Variants in ZNF385D observed in about 807,000 individuals in gnomAD.
ZNF385D encodes zinc finger protein 385D.
ZNF385D carries 15 observed loss-of-function variants against 35.8 expected under a neutral mutation model. The ratio of observed to expected loss-of-function variants is 0.42; its 90% CI spans 0.28 to 0.64. ZNF385D has a LOEUF of 0.64. ZNF385D is among the 30% of genes least tolerant of loss of function. The pLI is 0.23. For synonymous variants in ZNF385D, 212 were observed against 186.8 expected, an observed-to-expected ratio of 1.13 and a Z score of -1.10; for missense variants, 474 against 494.6, an observed-to-expected ratio of 0.96 and a Z score of 0.39.
chr3:21,770,657 C>T lies in ZNF385D; in HGVS notation c.326-105629G>A, dbSNP rs181733043. Reference sequence around the variant, plus strand: ...CTGTTGGTGGGACTGTAAACTAGTTCGACCATTGCGGAAGACAGTGTGGTT... The same window carrying T: ...CTGTTGGTGGGACTGTAAACTAGTTTGACCATTGCGGAAGACAGTGTGGTT... On this transcript the variant is annotated intron_variant, in intron 3 of 5. Coordinates refer to the ZNF385D transcript ENST00000494108. 2.8e-3 allele frequency among the ~76,000 whole-genome samples: 423 copies of T among 152,244 alleles called. 1 individual carries two copies. The highest frequency in any genetic ancestry group is 9.6e-3 in the African/African-American group (397 of 41,544).
intron 2 of ZNF385D, among the ~76,000 whole-genome samples, chr3:22,206,081 G>A (rs779358781): frequency 6.6e-6 from 1 of 151,740 alleles, no homozygotes; most frequent in Non-Finnish European, 1.5e-5. Flanking sequence ...TAAAAGGATG[G>A]AAAAAGATAT....
chr3:21,461,043 T>C (rs1352117225), intron 4 of ZNF385D, among the ~76,000 whole-genome samples: 1 of 152,192 alleles, frequency 6.6e-6, no homozygotes, highest in Non-Finnish European at 1.5e-5. Context: ...TTGAGAGACT[T>C]GAATTAATTC....
intron 5 of ZNF385D, among the ~76,000 whole-genome samples, chr3:21,435,340 C>T (rs887007717): frequency 5.4e-5 from 8 of 148,064 alleles, no homozygotes; most frequent in Non-Finnish European, 1.2e-4. Context: ...TCATTGTAGC[C>T]TCAACCTCCT....
intron 3 of ZNF385D, among the ~76,000 whole-genome samples, chr3:21,944,976 C>G (rs1613403): frequency 0.87 from 131,518 of 152,040 alleles, 57,096 homozygotes; most frequent in East Asian, 0.98. Flanking sequence ...TTACAAATTC[C>G]CTATCAATAT....
chr3:22,015,775 C>G lies in ZNF385D; in HGVS notation c.325+153042G>C, dbSNP rs1312549856. ...CTTCTAATTGCTCTCCATCTCCTGG[C>G]TTTCCTAGGAAGACTGGCTTGGATT... On this transcript the variant is annotated intron_variant, in intron 3 of 5. Transcript: ENST00000494108. Among the ~76,000 whole-genome samples the G allele has an allele frequency of 2.6e-5, 4 of 152,220 alleles. No individual in the cohort carries two copies. The East Asian group carries it at 5.8e-4, about 22-fold the overall frequency.
intron 3 of ZNF385D, among the ~76,000 whole-genome samples, chr3:22,119,795 T>C (rs879115812): frequency 1.3e-5 from 2 of 151,746 alleles, no homozygotes; most frequent in African/African-American, 4.9e-5. Context: ...CTGATGAGCT[T>C]TTACTAGTGA....
At chr3:22,336,909 CAAAAAAAAAAAAA>C (rs59822476) in intron 2 of ZNF385D, among the ~76,000 whole-genome samples, 5 of 47,960 alleles carry the variant, frequency 1.0e-4, no homozygotes, top group East Asian at 1.5e-3. Flanking sequence ...AGTGATTTTT[CAAAAAAAAAAAAA>C]AAAAAAAAAA....
At chr3:22,111,252 T>C (rs1242873633) in intron 3 of ZNF385D, among the ~76,000 whole-genome samples, 19 of 146,564 alleles carry the variant, frequency 1.3e-4, no homozygotes, top group Non-Finnish European at 2.8e-4. Context: ...TATATTTACT[T>C]ACGAGTATTC....
chr3:22,334,471 C>T (rs73821884), intron 2 of ZNF385D, among the ~76,000 whole-genome samples: 12,386 of 152,126 alleles, frequency 0.081, 870 homozygotes, highest in African/African-American at 0.19. Context: ...AATGTACCCA[C>T]ACTTTTACCA....
rs558141173 is a variant in ZNF385D, at chr3:22,036,840, C to T, written c.325+131977G>A. Among the ~76,000 whole-genome samples the T allele has an allele frequency of 2.0e-5, 3 of 149,356 alleles. No homozygotes were observed. In the East Asian group the frequency reaches 6.1e-4, roughly 30 times the overall value. ...ACTCGTCATTTAACATTAGGTATAT[C>T]TCCTAATGCTATCCCTCCCCCCTCC... On this transcript the variant is annotated intron_variant, in intron 3 of 5. Coordinates refer to the ZNF385D transcript ENST00000494108.
At chr3:22,281,726 GT>G (rs1252845750) in intron 2 of ZNF385D, among the ~76,000 whole-genome samples, 96 of 151,930 alleles carry the variant, frequency 6.3e-4, no homozygotes, top group Non-Finnish European at 8.8e-5. Flanking sequence ...TCATTTCCTG[GT>G]TTTGGTGTTA....
intron 2 of ZNF385D, among the ~76,000 whole-genome samples, chr3:22,245,927 G>C (rs1699752838): frequency 6.6e-6 from 1 of 152,088 alleles, no homozygotes; most frequent in African/African-American, 2.4e-5. Context: ...AAGTGGTTTA[G>C]ATTAAGTGTC....
intron 3 of ZNF385D, among the ~76,000 whole-genome samples, chr3:21,783,331 G>T (rs1186173600): frequency 6.6e-6 from 1 of 152,104 alleles, no homozygotes; most frequent in Non-Finnish European, 1.5e-5. Flanking sequence ...CTCTCCCAGG[G>T]AGTCTCAAAT....
chr3:21,817,842 A>T (rs2073220129), intron 3 of ZNF385D, among the ~76,000 whole-genome samples: 1 of 152,164 alleles, frequency 6.6e-6, no homozygotes, highest in Non-Finnish European at 1.5e-5. Flanking sequence ...CCAAAGGATT[A>T]TACGTAAATC....
At chr3:22,221,878 A>T (rs1407340818) in intron 2 of ZNF385D, among the ~76,000 whole-genome samples, 2 of 152,200 alleles carry the variant, frequency 1.3e-5, no homozygotes, top group African/African-American at 4.8e-5. Flanking sequence ...TTTCTATGAC[A>T]GAGTAGCAGA....
At chr3:22,199,024 T>A (rs780673006) in intron 2 of ZNF385D, among the ~76,000 whole-genome samples, 1 of 152,140 alleles carries the variant, frequency 6.6e-6, no homozygotes, top group Non-Finnish European at 1.5e-5. Flanking sequence ...ATTATTGATC[T>A]TTACAAGTAT....
chr3:21,734,404 A>G (rs577855304), intron 1 of ZNF385D, among the ~76,000 whole-genome samples: 1 of 152,144 alleles, frequency 6.6e-6, no homozygotes, highest in African/African-American at 2.4e-5. Context: ...TGGTCATCCT[A>G]AAGAAGGTGC....
At chr3:21,960,759 A>T (rs1350867156) in intron 3 of ZNF385D, among the ~76,000 whole-genome samples, 4 of 152,148 alleles carry the variant, frequency 2.6e-5, no homozygotes, top group Non-Finnish European at 5.9e-5. Context: ...ATCCAGCCAT[A>T]AAAAGAATGA....
intron 4 of ZNF385D, among the ~76,000 whole-genome samples, chr3:21,493,780 A>G (rs1196383304): frequency 6.6e-6 from 1 of 152,096 alleles, no homozygotes; most frequent in Non-Finnish European, 1.5e-5. Context: ...TTAATTGTCA[A>G]AATTACTGTA....
Sources: allele counts gnomAD v4.1 joint callset (sites outside exome capture counted in the v4.1 genomes callset), GRCh38; gene constraint gnomAD v4.1.1; transcripts MANE v1.5; gene names NCBI Gene and HGNC (gene_info 2026-07-23, HGNC 2026-07-21).